EYS: variants seen among roughly 807,000 people sequenced by gnomAD.
EYS encodes protein eyes shut homolog.
A neutral mutation model predicts 282.1 loss-of-function variants in EYS; 250 were observed. The ratio of observed to expected loss-of-function variants is 0.89; its 90% CI spans 0.80 to 0.98. The LOEUF (loss-of-function observed/expected upper bound fraction) is 0.98. Among genes scored for constraint, EYS ranks in the 50% least tolerant of loss-of-function variants. The pLI is 0.00. For missense variants in EYS, 4,016 were observed against 3,709.0 expected (o/e 1.08, Z -2.15); for synonymous variants, 1,355 against 1,282.9 (o/e 1.06, Z -1.20).
At chr6:64,900,907 T>C (rs1225385644) in intron 18 of EYS, among the ~76,000 whole-genome samples, 1 of 151,972 alleles carries the variant, frequency 6.6e-6, no homozygotes, top group African/African-American at 2.4e-5. Context: ...ACCCAAAGGA[T>C]TATAAATCAT....
chr6:65,668,910 A>G (rs1472885377), intron 1 of EYS, among the ~76,000 whole-genome samples: 1 of 151,912 alleles, frequency 6.6e-6, no homozygotes, highest in Non-Finnish European at 1.5e-5. Flanking sequence ...GGGTTGGGCA[A>G]TTACTGCCAC....
At chr6:65,635,489 A>C (rs1465558961) in intron 2 of EYS, among the ~76,000 whole-genome samples, 1 of 152,028 alleles carries the variant, frequency 6.6e-6, no homozygotes, top group African/African-American at 2.4e-5. Context: ...TTATTTTGTT[A>C]TTTTTATAGA....
intron 26 of EYS, among the ~76,000 whole-genome samples, chr6:64,548,692 G>C (rs982656567): frequency 3.9e-5 from 6 of 152,222 alleles, no homozygotes; most frequent in South Asian, 2.1e-4. Context: ...GTGTGGGGAG[G>C]GGGGAGGAGT....
intron 31 of EYS, among the ~76,000 whole-genome samples, chr6:64,161,895 G>A (rs1040001719): frequency 6.6e-6 from 1 of 152,084 alleles, no homozygotes; most frequent in Admixed American, 6.6e-5. Context: ...TTTGCAGTTT[G>A]TTTATGTGAA....
At chr6:64,054,522 A>G (rs2149846402) in intron 33 of EYS, among the ~76,000 whole-genome samples, 1 of 152,234 alleles carries the variant, frequency 6.6e-6, no homozygotes, top group East Asian at 1.9e-4. Flanking sequence ...TATAAGACAC[A>G]TGATTTGTTC....
At chr6:64,870,480 A>G (rs1407013806) in intron 19 of EYS, among the ~76,000 whole-genome samples, 1 of 150,336 alleles carries the variant, frequency 6.7e-6, no homozygotes, top group African/African-American at 2.4e-5. Context: ...TTGCAGATTT[A>G]CAACATTATA....
At chr6:64,626,575 CAG>C (rs1438090273) in intron 22 of EYS, among the ~76,000 whole-genome samples, 2 of 152,090 alleles carry the variant, frequency 1.3e-5, no homozygotes, top group Admixed American at 1.3e-4. Context: ...CAGAGACCCA[CAG>C]GGGAGAAGGC....
intron 2 of EYS, among the ~76,000 whole-genome samples, chr6:65,620,055 G>T (rs1233352274): frequency 2.0e-5 from 3 of 152,280 alleles, no homozygotes; most frequent in South Asian, 2.1e-4. Flanking sequence ...GTATCAGGAT[G>T]ATGCTGGCCT....
At chr6:65,197,201 T>C (rs1198189017) in intron 12 of EYS, among the ~76,000 whole-genome samples, 1 of 152,052 alleles carries the variant, frequency 6.6e-6, no homozygotes, top group African/African-American at 2.4e-5. Flanking sequence ...TGGGGGCATA[T>C]AATAACGACG....
chr6:65,240,257 C>A (rs560255142), intron 12 of EYS, among the ~76,000 whole-genome samples: 11 of 152,100 alleles, frequency 7.2e-5, no homozygotes, highest in Non-Finnish European at 1.3e-4. Flanking sequence ...CATGAGCCAC[C>A]ATGCCCGGCT....
chr6:65,362,542 ATATGT>A (rs1764749912), intron 8 of EYS, among the ~76,000 whole-genome samples: 2 of 151,836 alleles, frequency 1.3e-5, no homozygotes, highest in Admixed American at 6.6e-5. Context: ...ATATATGCAT[ATATGT>A]ATGTATACAC....
chr6:65,643,424 A>G (rs749689331), intron 1 of EYS, among the ~76,000 whole-genome samples: 6 of 152,166 alleles, frequency 3.9e-5, no homozygotes, highest in Non-Finnish European at 7.3e-5. Context: ...TATCCCTGCT[A>G]CCACCCGGTG....
intron 12 of EYS, among the ~76,000 whole-genome samples, chr6:65,121,480 C>G (rs902099094): frequency 1.6e-4 from 25 of 152,002 alleles, no homozygotes; most frequent in Middle Eastern, 3.2e-3. Context: ...CTTTGCTAAT[C>G]ACTTCTTGTG....
At chr6:65,318,509 A>C (rs1261921709) in intron 11 of EYS, among the ~76,000 whole-genome samples, 3 of 146,898 alleles carry the variant, frequency 2.0e-5, no homozygotes, top group Non-Finnish European at 4.5e-5. Flanking sequence ...GAGGCTGGTC[A>C]CCACTGATCC....
intron 12 of EYS, among the ~76,000 whole-genome samples, chr6:65,198,156 T>C (rs547863840): frequency 2.1e-4 from 32 of 151,792 alleles, no homozygotes; most frequent in Admixed American, 2.0e-3. Flanking sequence ...ACACACACAT[T>C]AGCTTAGACC....
intron 22 of EYS, among the ~76,000 whole-genome samples, chr6:64,703,085 C>T (rs148504536): frequency 4.6e-5 from 7 of 151,604 alleles, no homozygotes; most frequent in Non-Finnish European, 1.0e-4. Flanking sequence ...AGAGTAAACT[C>T]ATAAGCATTT....
intron 1 of EYS, among the ~76,000 whole-genome samples, chr6:65,674,442 C>A (rs901787112): frequency 3.5e-5 from 4 of 112,912 alleles, no homozygotes; most frequent in African/African-American, 1.4e-4. Flanking sequence ...CAGAGCAAGA[C>A]TCCGTCTCAA....
intron 19 of EYS, among the ~76,000 whole-genome samples, chr6:64,865,872 G>C (rs1425095001): frequency 6.6e-6 from 1 of 152,032 alleles, no homozygotes; most frequent in Non-Finnish European, 1.5e-5. Flanking sequence ...CTTTGTGATG[G>C]ATTGGATGTG....
At chr6:64,837,526 G>A (rs2760575) in intron 19 of EYS, among the ~76,000 whole-genome samples, 82,875 of 148,956 alleles carry the variant, frequency 0.56, 23,812 homozygotes, top group Non-Finnish European at 0.62. Context: ...AATGAAAAAA[G>A]AGTAAGTCAA....
Sources: gnomAD v4.1 joint callset for allele counts (sites outside exome capture counted in the v4.1 genomes callset) on GRCh38, gnomAD v4.1.1 for gene constraint, MANE v1.5 for transcripts, NCBI Gene and HGNC (gene_info 2026-07-23, HGNC 2026-07-21) for gene names.